GCDH: variants seen among roughly 807,000 people sequenced by gnomAD.
GCDH encodes glutaryl-CoA dehydrogenase.
In GCDH, 31 loss-of-function variants were observed where a neutral mutation model predicts 52.8. That is an observed-to-expected ratio of 0.59 (90% CI 0.44 to 0.79). The LOEUF (loss-of-function observed/expected upper bound fraction) is 0.79, where lower values mean the gene tolerates loss of function less well. Ranked by LOEUF, GCDH falls within the 30% of genes least tolerant of loss-of-function variation. The probability of loss-of-function intolerance (pLI) is 0.00; values close to 1 mark genes in which losing one functional copy is unlikely to be tolerated. For missense variants in GCDH, 509 were observed against 595.0 expected (o/e 0.86, Z 1.50); for synonymous variants, 242 against 250.0 (o/e 0.97, Z 0.30).
At position 12,891,385 on chromosome 19, in the gene GCDH, G is replaced by T. The variant is rs773407020; in HGVS notation, c.81G>T (p.Ala27=). Residue 27 remains alanine (A), a synonymous_variant, in exon 2 of 12, where the codon GCG becomes GCT. Transcript: ENST00000222214. ...TCCTTCGCACGTGGGTCTCGTCGGC[G>T]GCGCAGACCGGTCAGTGTGGGGTCG... ...LHVLRTWVSS[A]AQTEKGGRTQ... The T allele has an allele frequency of 6.2e-7, 1 of 1,614,156 alleles. No homozygotes were observed. Among genetic ancestry groups the T allele is most frequent in the Non-Finnish European group, 8.5e-7 (1 of 1,180,028 alleles).
At position 12,899,955 on chromosome 19, in the gene GCDH, G is replaced by A. The variant is rs1045583479; in HGVS notation, c.*414G>A. On this transcript the variant is annotated 3_prime_UTR_variant, in exon 12 of 12. Coordinates refer to ENST00000222214, the MANE Select transcript of GCDH (RefSeq NM_000159.4). ...GCAGAGTGAGGGAGAGGAAAATAAAGACCTGCACATCTGACCCCAAGGTGT... is the reference window on the plus strand; with the variant it reads ...GCAGAGTGAGGGAGAGGAAAATAAAAACCTGCACATCTGACCCCAAGGTGT... The A allele has an allele frequency of 6.4e-7, 1 of 1,563,862 alleles. No homozygotes were observed. Among genetic ancestry groups the A allele is most frequent in the Admixed American group, 1.7e-5 (1 of 57,886 alleles).
At chr19:12,891,456 C>T in intron 2 of GCDH, 31 bp from the exon 3 acceptor site, 1 of 1,614,166 alleles carries the variant, frequency 6.2e-7, no homozygotes, top group Non-Finnish European at 8.5e-7. Flanking sequence ...TAGGGACTTT[C>T]CGGGGTGACT....
chr19:12,891,292 G>A lies in GCDH; in HGVS notation c.-13G>A, dbSNP rs1293622143. On this transcript the variant is annotated 5_prime_UTR_variant, in exon 2 of 12. Transcript: ENST00000222214. ...GTAGGTCGCCGTCGTTGCTCCGCTC[G>A]CTCTGAGAGAGCATGGCCCTGAGAG... is the stretch of plus-strand genomic sequence containing the variant. The A allele has an allele frequency of 1.9e-6, 3 of 1,601,200 alleles. No homozygotes were observed. The highest frequency in any genetic ancestry group is 1.1e-5 in the South Asian group (1 of 90,974).
Position 12,896,913 on chromosome 19 carries a change from C to T in GCDH, c.856C>T (p.Pro286Ser), listed in dbSNP as rs786205861. The change falls in exon 9 of 12, where the codon CCC becomes TCC. Residue 286 changes from proline (P) to serine (S), a missense_variant. Transcript: ENST00000222214. This position sits in a 1 kb window ranked among gnomAD's most constrained non-coding sequence, Gnocchi z 5.5. The part of the protein sequence containing the change: ...VLPGASSLGG[P>S]FGCLNNARYG... ...AGGCGCCATCTCAACCCTACAGGGT[C>T]CCTTCGGCTGCCTGAACAACGCCCG... 1 of 1,612,182 alleles carries T rather than the reference C, an allele frequency of 6.2e-7. No individual in the cohort carries two copies. The highest frequency in any genetic ancestry group is 8.5e-7 in the Non-Finnish European group (1 of 1,178,930).
In GCDH at chr19:12,891,914, T is replaced by C. The variant is rs371766365; in HGVS notation, c.211T>C (p.Phe71Leu). Residue 71 changes from phenylalanine to leucine, a missense_variant, in exon 4 of 12, where the codon TTC becomes CTC. Phe to Leu is a conservative substitution (Grantham distance 22). Coordinates refer to ENST00000222214, the MANE Select transcript of GCDH (RefSeq NM_000159.4). ...AGATGAGATCCTCATCAGGGACACC[T>C]TCCGCACCTACTGCCAGGAGAGACT... The part of the protein sequence containing the change: ...TTDEILIRDT[F>L]RTYCQERLMP... The C allele has an allele frequency of 1.2e-6, 2 of 1,614,074 alleles. No homozygotes were observed. Among genetic ancestry groups the C allele is most frequent in the African/African-American group, 2.7e-5 (2 of 74,944 alleles).
At chr19:12,892,708 G>A (rs773145744) in intron 5 of GCDH, among the ~76,000 whole-genome samples, 3 of 148,190 alleles carry the variant, frequency 2.0e-5, no homozygotes, top group Non-Finnish European at 4.5e-5. Context: ...TCAGGCTCCC[G>A]AGTAGCTGGG....
intron 10 of GCDH, 66 bp from the exon 11 acceptor site, chr19:12,897,637 A>G: frequency 6.3e-7 from 1 of 1,586,882 alleles, no homozygotes; most frequent in Non-Finnish European, 8.7e-7. Flanking sequence ...ACCCCGGGCT[A>G]GGTTTGCTTG....
intron 11 of GCDH, chr19:12,898,197 C>T (rs1326025835): frequency 1.2e-5 from 5 of 401,546 alleles, no homozygotes; most frequent in African/African-American, 4.1e-5. Flanking sequence ...GGCTGGTGGA[C>T]GCAAGGGAGT....
At chr19:12,894,543 C>T (rs772733566) in intron 6 of GCDH, 1 of 663,160 alleles carries the variant, frequency 1.5e-6, no homozygotes. Flanking sequence ...GGGCCCAGTA[C>T]AGCTAGCAGA....
chr19:12,893,833 G>A (rs1268412056), intron 6 of GCDH, 180 bp downstream of exon 6: 4 of 676,318 alleles, frequency 5.9e-6, no homozygotes, highest in Admixed American at 4.2e-5. Context: ...CAGCCTGACT[G>A]TCCCCCTCTG....
chr19:12,899,645 T>C lies in GCDH; in HGVS notation c.*104T>C. 1 of 1,612,606 alleles carries C rather than the reference T, an allele frequency of 6.2e-7. No individual in the cohort carries two copies. The highest frequency in any genetic ancestry group is 8.5e-7 in the Non-Finnish European group (1 of 1,179,150). On this transcript the variant is annotated 3_prime_UTR_variant, in exon 12 of 12. Coordinates refer to ENST00000222214, the MANE Select transcript of GCDH (RefSeq NM_000159.4). ...TGAGCTTAGAAAGGGAGGTGGCGGA[T>C]GGAGTGGGAAGTGAGAGACACTGAT...
rs1302633005 is a variant in GCDH at position 12,891,303 on chromosome 19, G to A, written c.-2G>A. 6.2e-7 allele frequency: 1 copy of A among 1,605,158 alleles called. No homozygotes were observed. Among genetic ancestry groups the A allele is most frequent in the South Asian group, 1.1e-5 (1 of 91,022 alleles). The stretch of plus-strand genomic sequence containing the variant: ...TCGTTGCTCCGCTCGCTCTGAGAGA[G>A]CATGGCCCTGAGAGGCGTCTCCGTG... On this transcript the variant is annotated 5_prime_UTR_variant, in exon 2 of 12. Coordinates refer to ENST00000222214, the MANE Select transcript of GCDH (RefSeq NM_000159.4).
At chr19:12,894,686 C>T in intron 6 of GCDH, 1 of 811,182 alleles carries the variant, frequency 1.2e-6, no homozygotes, top group Non-Finnish European at 2.0e-6. Flanking sequence ...TCCACATGTC[C>T]TGCAGCACAA....
Position 12,899,749 on chromosome 19 carries a change from C to G in GCDH, c.*208C>G. 4 of 1,611,114 alleles carry G rather than the reference C, an allele frequency of 2.5e-6. No individual in the cohort carries two copies. Among genetic ancestry groups the G allele is most frequent in the Non-Finnish European group, 3.4e-6 (4 of 1,178,172 alleles). On this transcript the variant is annotated 3_prime_UTR_variant, in exon 12 of 12. Coordinates refer to ENST00000222214, the MANE Select transcript of GCDH (RefSeq NM_000159.4). ...GAAGATGGAATTCTCTGTAGAGCGT[C>G]TCAATCCACTTTTAACCATGGATGA...
In GCDH at chr19:12,896,089, C is replaced by G. The variant is rs1970670101; in HGVS notation, c.603C>G (p.Asn201Lys). The G allele has an allele frequency of 6.2e-7, 1 of 1,614,116 alleles. No homozygotes were observed. The highest frequency in any genetic ancestry group is 8.5e-7 in the Non-Finnish European group (1 of 1,180,016). The stretch of plus-strand genomic sequence containing the variant: ...CCAGAGCCCACTACAACTCATCCAA[C>G]AAGAGCTACACCCTCAATGGGACCA... ...METRAHYNSS[N>K]KSYTLNGTKT... The change falls in exon 7 of 12, where the codon AAC (asparagine) becomes AAG (lysine). Residue 201 changes from asparagine (N) to lysine (K), a missense_variant. Asn to Lys is a moderately conservative substitution (Grantham distance 94). Coordinates refer to ENST00000222214, the MANE Select transcript of GCDH (RefSeq NM_000159.4). This position sits in a 1 kb window ranked among gnomAD's most constrained non-coding sequence, Gnocchi z 5.5.
chr19:12,896,573 C>T lies in GCDH; in HGVS notation c.852+152C>T. On this transcript the variant is annotated intron_variant, in intron 8 of 11. Coordinates refer to ENST00000222214, the MANE Select transcript of GCDH (RefSeq NM_000159.4). The surrounding 1 kb of genome is among the most constrained non-coding windows in gnomAD (Gnocchi z 5.5). ...GCCGGACTCGCTGACGTGCTGAAAA[C>T]TGCCCCCATTTGGTGACCGTCTCGC... is the stretch of plus-strand genomic sequence containing the variant. The T allele has an allele frequency of 1.4e-6, 1 of 731,700 alleles. No homozygotes were observed. The highest frequency in any genetic ancestry group is 1.7e-5 in the African/African-American group (1 of 58,024). The allele number at this position is 731,700 out of a possible 1,614,324, so 45.3% of individuals were successfully genotyped here. A position where few individuals can be genotyped will look rare whatever the true frequency, so the allele number is the denominator to read the frequency against.
chr19:12,899,425 A>G, intron 11 of GCDH, 43 bp from the exon 12 acceptor site: 2 of 1,614,052 alleles, frequency 1.2e-6, no homozygotes, highest in Non-Finnish European at 1.7e-6. Flanking sequence ...GGAAGTTGTG[A>G]GCTATGAAAA....
At chr19:12,897,645 T>G (rs947907575) in intron 10 of GCDH, 58 bp from the exon 11 acceptor site, 1 of 1,603,420 alleles carries the variant, frequency 6.2e-7, no homozygotes, top group Admixed American at 1.7e-5. Context: ...CTAGGTTTGC[T>G]TGGAGCATCG....
rs1443697355 is a variant in GCDH at position 12,899,973 on chromosome 19, C to T, written c.*432C>T. The T allele has an allele frequency of 6.2e-7, 1 of 1,612,726 alleles. No homozygotes were observed. The highest frequency in any genetic ancestry group is 1.7e-5 in the Admixed American group (1 of 59,854). On this transcript the variant is annotated 3_prime_UTR_variant, in exon 12 of 12. Coordinates refer to ENST00000222214, the MANE Select transcript of GCDH (RefSeq NM_000159.4). ...AAATAAAGACCTGCACATCTGACCCCAAGGTGTCAGGCCGGTTTACTGGTA... is the reference window on the plus strand; with the variant it reads ...AAATAAAGACCTGCACATCTGACCCTAAGGTGTCAGGCCGGTTTACTGGTA...
Sources: allele counts gnomAD v4.1 joint callset (sites outside exome capture counted in the v4.1 genomes callset), GRCh38; gene constraint gnomAD v4.1.1; non-coding constraint Gnocchi (gnomAD v3.1); transcripts MANE v1.5; gene names NCBI Gene and HGNC (gene_info 2026-07-23, HGNC 2026-07-21).